Variants in CDH4 observed in about 807,000 individuals in gnomAD.
CDH4 encodes the protein cadherin 4.
CDH4 carries 33 observed loss-of-function variants against 86.0 expected under a neutral mutation model. That is an observed-to-expected ratio of 0.38 (90% CI 0.29 to 0.51). The LOEUF (loss-of-function observed/expected upper bound fraction) is 0.51. Among genes scored for constraint, CDH4 ranks in the 20% least tolerant of loss-of-function variants. The pLI is 0.86. For missense variants in CDH4, 1,114 were observed against 1,307.4 expected, an observed-to-expected ratio of 0.85 and a Z score of 2.28; for synonymous variants, 555 against 549.4, an observed-to-expected ratio of 1.01 and a Z score of -0.14.
intron 2 of CDH4, among the ~76,000 whole-genome samples, chr20:61,733,766 T>C (rs1189402538): frequency 6.6e-6 from 1 of 152,216 alleles, no homozygotes; most frequent in South Asian, 2.1e-4. Context: ...CTCTGCTGGT[T>C]GAACCTGAGG....
chr20:61,838,907 G>T (rs1982007087), intron 4 of CDH4, among the ~76,000 whole-genome samples: 1 of 151,928 alleles, frequency 6.6e-6, no homozygotes, highest in African/African-American at 2.4e-5. Flanking sequence ...CCAAGTGCAA[G>T]TCCGCCTGCC....
At chr20:61,656,625 C>T (rs1451891725) in intron 2 of CDH4, among the ~76,000 whole-genome samples, 1 of 152,172 alleles carries the variant, frequency 6.6e-6, no homozygotes, top group Non-Finnish European at 1.5e-5. Flanking sequence ...CCTCTGGGCT[C>T]CACAGCCACT....
intron 2 of CDH4, among the ~76,000 whole-genome samples, chr20:61,605,759 G>A (rs775539584): frequency 6.6e-6 from 1 of 152,092 alleles, no homozygotes; most frequent in African/African-American, 2.4e-5. Flanking sequence ...ATTGCCGTGA[G>A]AAGCTGTGAC....
chr20:61,378,348 A>C (rs533270380), intron 2 of CDH4, among the ~76,000 whole-genome samples: 1 of 152,352 alleles, frequency 6.6e-6, no homozygotes, highest in South Asian at 2.1e-4. Flanking sequence ...GTGGTCACCA[A>C]TTAGCACAAG....
intron 4 of CDH4, among the ~76,000 whole-genome samples, chr20:61,838,776 A>G (rs1018050299): frequency 6.7e-6 from 1 of 149,806 alleles, no homozygotes; most frequent in African/African-American, 2.5e-5. Context: ...GTGAACCAAG[A>G]TCACACCACT....
At chr20:61,772,058 G>T (rs2088781622) in intron 3 of CDH4, among the ~76,000 whole-genome samples, 1 of 152,174 alleles carries the variant, frequency 6.6e-6, no homozygotes, top group East Asian at 1.9e-4. Flanking sequence ...GACAGCCTGG[G>T]CCCTATGCTA....
At position 61,621,971 on chromosome 20, in the gene CDH4, A is replaced by T. The variant is rs149198492; in HGVS notation, c.170-121592A>T. Among the ~76,000 whole-genome samples, 1,279 of 152,320 alleles carry T rather than the reference A, an allele frequency of 8.4e-3. 14 individuals carry two copies. Among genetic ancestry groups the T allele is most frequent in the African/African-American group, 0.03 (1,237 of 41,560 alleles). On this transcript the variant is annotated intron_variant, in intron 2 of 15. Transcript: ENST00000614565. ...CTGTCAAAGCTCTGTGTTCCCATCCATGTAGGAAGCATGCTCTGCAGGTCC... is the reference window on the plus strand; with the variant it reads ...CTGTCAAAGCTCTGTGTTCCCATCCTTGTAGGAAGCATGCTCTGCAGGTCC...
chr20:61,917,388 C>T (rs759308699), intron 9 of CDH4, among the ~76,000 whole-genome samples: 10 of 152,272 alleles, frequency 6.6e-5, no homozygotes, highest in African/African-American at 2.4e-4. Context: ...GGTTCTTTCT[C>T]GTCTTACCCA....
intron 2 of CDH4, among the ~76,000 whole-genome samples, chr20:61,620,085 G>T (rs992165285): frequency 7.8e-6 from 1 of 128,524 alleles, no homozygotes; most frequent in Admixed American, 7.7e-5. Context: ...TCCTGAGTCA[G>T]CTCAGAGATG....
intron 2 of CDH4, among the ~76,000 whole-genome samples, chr20:61,671,052 T>C (rs1273008766): frequency 6.6e-6 from 1 of 152,128 alleles, no homozygotes; most frequent in Non-Finnish European, 1.5e-5. Context: ...CGAGTGTGTA[T>C]GGCATAAGGG....
At chr20:61,875,878 T>C (rs561352739) in intron 7 of CDH4, among the ~76,000 whole-genome samples, 15 of 152,168 alleles carry the variant, frequency 9.9e-5, no homozygotes, top group Non-Finnish European at 1.9e-4. Context: ...ATCTCCTCTG[T>C]AGCCTGGGGT....
In CDH4 at chr20:61,703,341, A is replaced by T. The variant is rs553745079; in HGVS notation, c.170-40222A>T. Among the ~76,000 whole-genome samples the T allele has an allele frequency of 2.0e-5, 3 of 152,334 alleles. No individual in the cohort carries two copies. The highest frequency in any genetic ancestry group is 7.2e-5 in the African/African-American group (3 of 41,572). ...ACGGGCAGTACACACCACGAGTGTC[A>T]TGGAGAAAATAGGCCTGGCAGGATG... is the stretch of plus-strand genomic sequence containing the variant. On this transcript the variant is annotated intron_variant, in intron 2 of 15. Transcript: ENST00000614565. This position sits in a 1 kb window ranked among gnomAD's most constrained non-coding sequence, Gnocchi z 4.3.
At chr20:61,699,766 C>T (rs1401645625) in intron 2 of CDH4, among the ~76,000 whole-genome samples, 2 of 84,072 alleles carry the variant, frequency 2.4e-5, no homozygotes, top group Admixed American at 1.1e-4. Flanking sequence ...GCTTTCACCG[C>T]GGACCCGGGG....
At chr20:61,301,431 C>T (rs2084385597) in intron 2 of CDH4, among the ~76,000 whole-genome samples, 1 of 152,148 alleles carries the variant, frequency 6.6e-6, no homozygotes, top group Admixed American at 6.5e-5. Context: ...CTGGCCTGGG[C>T]GTGTGCATTT....
At chr20:61,491,614 C>T (rs573662267) in intron 2 of CDH4, among the ~76,000 whole-genome samples, 11 of 152,314 alleles carry the variant, frequency 7.2e-5, no homozygotes, top group African/African-American at 2.6e-4. Flanking sequence ...ACAAGTCTGC[C>T]ATTGTCTCTC....
At chr20:61,715,103 C>T (rs966760791) in intron 2 of CDH4, among the ~76,000 whole-genome samples, 3 of 152,186 alleles carry the variant, frequency 2.0e-5, no homozygotes, top group African/African-American at 7.2e-5. Context: ...AATGGCCATT[C>T]TGTCTAGGGA....
chr20:61,291,645 A>G (rs1320902712), intron 2 of CDH4, among the ~76,000 whole-genome samples: 1 of 151,882 alleles, frequency 6.6e-6, no homozygotes, highest in Non-Finnish European at 1.5e-5. Context: ...AAGGCCAAAC[A>G]TGCGGGCACC....
intron 2 of CDH4, among the ~76,000 whole-genome samples, chr20:61,573,187 G>A (rs141844407): frequency 2.6e-4 from 39 of 152,266 alleles, no homozygotes; most frequent in African/African-American, 8.2e-4. Flanking sequence ...GGGTGGGAGC[G>A]TCCTATTTCA....
intron 2 of CDH4, among the ~76,000 whole-genome samples, chr20:61,461,131 C>T (rs2085439621): frequency 6.6e-6 from 1 of 152,040 alleles, no homozygotes; most frequent in Non-Finnish European, 1.5e-5. Flanking sequence ...TGGAACCTCC[C>T]CTTCCCCCAA....
Sources: gnomAD v4.1 joint callset for allele counts (sites outside exome capture counted in the v4.1 genomes callset) on GRCh38, gnomAD v4.1.1 for gene constraint, Gnocchi (gnomAD v3.1) non-coding constraint, MANE v1.5 for transcripts, NCBI Gene and HGNC (gene_info 2026-07-23, HGNC 2026-07-21) for gene names.